The following PLCB1 variants were observed in gnomAD, a reference collection of about 807,000 sequenced individuals.
PLCB1 encodes phospholipase C beta 1.
Under a neutral mutation model 161.8 loss-of-function variants are expected in PLCB1, and 46 were observed. That is an observed-to-expected ratio of 0.28 (90% CI 0.22 to 0.36). The LOEUF (loss-of-function observed/expected upper bound fraction) is 0.36, where lower values mean the gene tolerates loss of function less well. Among genes scored for constraint, PLCB1 ranks in the 10% least tolerant of loss-of-function variants. The pLI, the probability that PLCB1 is intolerant of heterozygous loss-of-function variation, is 1.00. For synonymous variants in PLCB1, 517 were observed against 503.7 expected (o/e 1.03, Z -0.35); for missense variants, 1,016 against 1,472.5 (o/e 0.69, Z 5.07).
At chr20:8,240,300 A>G (rs200096930) in intron 2 of PLCB1, among the ~76,000 whole-genome samples, 17 of 117,360 alleles carry the variant, frequency 1.4e-4, no homozygotes, top group African/African-American at 3.4e-4. Context: ...ACACACACAC[A>G]CACACGCACA....
At chr20:8,596,021 G>A (rs1987333858) in intron 3 of PLCB1, among the ~76,000 whole-genome samples, 1 of 130,926 alleles carries the variant, frequency 7.6e-6, no homozygotes, top group Admixed American at 7.5e-5. Context: ...AGATGAGTAG[G>A]TTGCGAAAAT....
At chr20:8,541,574 A>AAGAAAGAAAGAAAGAAAGAAAGAG in intron 3 of PLCB1, among the ~76,000 whole-genome samples, 2 of 149,292 alleles carry the variant, frequency 1.3e-5, no homozygotes, top group African/African-American at 2.5e-5. Context: ...GAAAGAAAGA[A>AAGAAAGAAAGAAAGAAAGAAAGAG]AGAAAGAAAG....
At chr20:8,592,303 AC>A (rs1987172969) in intron 3 of PLCB1, among the ~76,000 whole-genome samples, 1 of 152,240 alleles carries the variant, frequency 6.6e-6, no homozygotes, top group Non-Finnish European at 1.5e-5. Context: ...GTTCAGGATA[AC>A]TAAGCAGCAA....
intron 3 of PLCB1, among the ~76,000 whole-genome samples, chr20:8,551,293 C>T (rs1305478588): frequency 6.6e-6 from 1 of 152,150 alleles, no homozygotes; most frequent in Non-Finnish European, 1.5e-5. Flanking sequence ...CAGAGCAATA[C>T]AGACTGGCTC....
intron 3 of PLCB1, among the ~76,000 whole-genome samples, chr20:8,461,120 C>CT (rs1210351647): frequency 6.6e-6 from 1 of 152,024 alleles, no homozygotes; most frequent in African/African-American, 2.4e-5. Context: ...TGCTAGGGGA[C>CT]TTAATTAAAG....
chr20:8,553,696 G>A (rs1985848366), intron 3 of PLCB1, among the ~76,000 whole-genome samples: 1 of 151,994 alleles, frequency 6.6e-6, no homozygotes, highest in Admixed American at 6.6e-5. Context: ...TTATCATTAG[G>A]AGCCTTAATA....
intron 4 of PLCB1, among the ~76,000 whole-genome samples, chr20:8,641,765 G>A (rs1181911678): frequency 6.6e-6 from 1 of 152,186 alleles, no homozygotes; most frequent in Non-Finnish European, 1.5e-5. Flanking sequence ...GAAGTTGGTG[G>A]CCATGGGGAA....
chr20:8,855,527 C>A (rs1987040296), intron 31 of PLCB1, among the ~76,000 whole-genome samples: 1 of 152,182 alleles, frequency 6.6e-6, no homozygotes, highest in Non-Finnish European at 1.5e-5. Flanking sequence ...AAACAAAAAT[C>A]TTTCTAATTT....
chr20:8,682,014 G>A (rs1990233983), intron 9 of PLCB1, among the ~76,000 whole-genome samples: 1 of 152,110 alleles, frequency 6.6e-6, no homozygotes, highest in Non-Finnish European at 1.5e-5. Context: ...TTCAAGGGGT[G>A]AATGGCCTTA....
intron 3 of PLCB1, among the ~76,000 whole-genome samples, chr20:8,620,142 A>C (rs1988140168): frequency 6.6e-6 from 1 of 152,192 alleles, no homozygotes; most frequent in South Asian, 2.1e-4. Flanking sequence ...CAAATCTGCA[A>C]ACTCTAATGT....
At chr20:8,314,800 G>T (rs916382465) in intron 2 of PLCB1, among the ~76,000 whole-genome samples, 1 of 152,292 alleles carries the variant, frequency 6.6e-6, no homozygotes, top group Admixed American at 6.5e-5. Context: ...ATGAGAGGAA[G>T]GGGAGGTGAG....
intron 14 of PLCB1, among the ~76,000 whole-genome samples, chr20:8,719,259 CA>C (rs1979496747): frequency 1.3e-5 from 2 of 152,144 alleles, no homozygotes; most frequent in African/African-American, 4.8e-5. Flanking sequence ...GCAGTGTCTA[CA>C]AAAGCTGAAT....
intron 8 of PLCB1, among the ~76,000 whole-genome samples, chr20:8,657,652 T>G (rs964745949): frequency 2.0e-5 from 3 of 152,086 alleles, no homozygotes; most frequent in Admixed American, 6.6e-5. Flanking sequence ...TGAGCCACAT[T>G]AGCGACATGA....
At chr20:8,851,710 TG>T (rs1370084251) in intron 31 of PLCB1, among the ~76,000 whole-genome samples, 132 of 55,702 alleles carry the variant, frequency 2.4e-3, no homozygotes, top group African/African-American at 6.4e-3. Flanking sequence ...TTTCTTTTTT[TG>T]GTTTTTTTTT....
chr20:8,323,907 A>G (rs1412604697), intron 2 of PLCB1, among the ~76,000 whole-genome samples: 1 of 152,134 alleles, frequency 6.6e-6, no homozygotes, highest in African/African-American at 2.4e-5. Context: ...CAATTATAAT[A>G]TAGTGATGCT....
At chr20:8,811,209 G>T (rs1171684549) in intron 31 of PLCB1, among the ~76,000 whole-genome samples, 1 of 152,178 alleles carries the variant, frequency 6.6e-6, no homozygotes, top group Non-Finnish European at 1.5e-5. Flanking sequence ...TGAGGAATCA[G>T]CCAAAAGGTG....
intron 18 of PLCB1, among the ~76,000 whole-genome samples, chr20:8,732,796 CTAATA>C (rs1980337512): frequency 7.2e-6 from 1 of 139,046 alleles, no homozygotes; most frequent in African/African-American, 2.7e-5. Flanking sequence ...AATAATATAT[CTAATA>C]TATGTTAGAT....
intron 2 of PLCB1, among the ~76,000 whole-genome samples, chr20:8,294,700 T>C (rs1385398821): frequency 6.6e-6 from 1 of 150,850 alleles, no homozygotes; most frequent in African/African-American, 2.4e-5. Context: ...GAAGATTAAA[T>C]TGACACCACC....
intron 3 of PLCB1, among the ~76,000 whole-genome samples, chr20:8,605,840 T>A (rs529957946): frequency 6.6e-6 from 1 of 151,394 alleles, no homozygotes; most frequent in Admixed American, 6.6e-5. Flanking sequence ...TATTGTCATC[T>A]TTCTGTCCAT....
Sources: allele counts gnomAD v4.1 joint callset (sites outside exome capture counted in the v4.1 genomes callset), GRCh38; gene constraint gnomAD v4.1.1; transcripts MANE v1.5; gene names NCBI Gene and HGNC (gene_info 2026-07-23, HGNC 2026-07-21).